The following CCSER1 variants were observed in gnomAD, a reference collection of about 807,000 sequenced individuals.
CCSER1 encodes coiled-coil serine rich protein 1, also known as serine-rich coiled-coil domain-containing protein 1.
Under a neutral mutation model 82.0 loss-of-function variants are expected in CCSER1, and 41 were observed. That is an observed-to-expected ratio of 0.50 (90% CI 0.39 to 0.65). CCSER1 has a LOEUF of 0.65. CCSER1 is among the 30% of genes least tolerant of loss of function. CCSER1 has a pLI of 0.00. For synonymous variants in CCSER1, 414 were observed against 383.9 expected, an observed-to-expected ratio of 1.08 and a Z score of -0.92; for missense variants, 1,119 against 1,064.2, an observed-to-expected ratio of 1.05 and a Z score of -0.72.
chr4:90,248,310 A>G (rs1425921310), intron 1 of CCSER1, among the ~76,000 whole-genome samples: 1 of 152,238 alleles, frequency 6.6e-6, no homozygotes, highest in Non-Finnish European at 1.5e-5. Context: ...TATAAAAGTA[A>G]TGATGAAAAG....
chr4:90,699,378 T>C (rs1472476066), intron 6 of CCSER1, among the ~76,000 whole-genome samples: 1 of 152,114 alleles, frequency 6.6e-6, no homozygotes, highest in African/African-American at 2.4e-5. Context: ...GGCATGAGAA[T>C]CTCTTGAACC....
chr4:90,471,035 T>C lies in CCSER1; in HGVS notation c.1724+2681T>C, dbSNP rs1764331281. ...AGGTGTCAAAATAATGAATGTTCCA[T>C]ATAGGTAATAATATTATTATCACCA... On this transcript the variant is annotated intron_variant, in intron 5 of 10. Transcript: ENST00000509176. Among the ~76,000 whole-genome samples, 13 of 152,248 alleles carry C rather than the reference T, an allele frequency of 8.5e-5. No homozygotes were observed. In the South Asian group the frequency reaches 2.7e-3, roughly 32 times the overall value.
chr4:90,568,618 C>T (rs1007463259), intron 5 of CCSER1, among the ~76,000 whole-genome samples: 3 of 152,106 alleles, frequency 2.0e-5, no homozygotes, highest in Non-Finnish European at 4.4e-5. Flanking sequence ...TTCAGCCACT[C>T]AGTCTTTTGA....
At chr4:90,455,386 C>T (rs1266408089) in intron 4 of CCSER1, among the ~76,000 whole-genome samples, 2 of 152,078 alleles carry the variant, frequency 1.3e-5, no homozygotes, top group Non-Finnish European at 2.9e-5. Context: ...TGGTTGTTTA[C>T]CCTTCTGGAA....
intron 10 of CCSER1, among the ~76,000 whole-genome samples, chr4:91,496,504 G>A (rs1251482258): frequency 1.4e-5 from 2 of 138,738 alleles, no homozygotes; most frequent in African/African-American, 5.3e-5. Context: ...GTATTTGCCT[G>A]GTGTAAATGC....
chr4:91,033,658 G>A (rs894322474), intron 9 of CCSER1, among the ~76,000 whole-genome samples: 4 of 152,104 alleles, frequency 2.6e-5, no homozygotes, highest in Non-Finnish European at 4.4e-5. Flanking sequence ...CCACAGGATA[G>A]CAACAGGCTA....
At chr4:90,777,592 A>T (rs1221500784) in intron 7 of CCSER1, among the ~76,000 whole-genome samples, 1 of 152,128 alleles carries the variant, frequency 6.6e-6, no homozygotes, top group African/African-American at 2.4e-5. Flanking sequence ...TAACTGTGTG[A>T]CTTTGAAAAA....
At chr4:91,186,436 T>G (rs1734541050) in intron 10 of CCSER1, among the ~76,000 whole-genome samples, 1 of 152,086 alleles carries the variant, frequency 6.6e-6, no homozygotes, top group South Asian at 2.1e-4. Flanking sequence ...TTGGGTGTCC[T>G]CCAGCTTAGT....
chr4:90,448,092 ATTCTTTTTATTC>A (rs943566722), intron 4 of CCSER1, among the ~76,000 whole-genome samples: 3 of 152,052 alleles, frequency 2.0e-5, no homozygotes, highest in African/African-American at 7.2e-5. Flanking sequence ...TACTTTGCAA[ATTCTTTTTATTC>A]TAATATATCA....
chr4:91,567,918 G>C (rs1441048157), intron 10 of CCSER1, among the ~76,000 whole-genome samples: 2 of 152,018 alleles, frequency 1.3e-5, no homozygotes, highest in Admixed American at 6.6e-5. Flanking sequence ...ATGTTAGCTG[G>C]TTATTATGTT....
intron 7 of CCSER1, among the ~76,000 whole-genome samples, chr4:90,803,730 A>T (rs1214699814): frequency 3.9e-5 from 6 of 152,118 alleles, no homozygotes; most frequent in African/African-American, 1.2e-4. Flanking sequence ...TATATCTGGT[A>T]ATGGGATTGC....
intron 1 of CCSER1, among the ~76,000 whole-genome samples, chr4:90,201,227 G>A (rs12645744): frequency 0.56 from 84,785 of 151,964 alleles, 24,343 homozygotes; most frequent in African/African-American, 0.69. Flanking sequence ...AAATAATTCA[G>A]TTTTTACTTG....
At chr4:90,442,777 G>T (rs1264650671) in intron 4 of CCSER1, among the ~76,000 whole-genome samples, 1 of 152,166 alleles carries the variant, frequency 6.6e-6, no homozygotes, top group Non-Finnish European at 1.5e-5. Flanking sequence ...CTTTCCAGAA[G>T]CAAACAGTGA....
chr4:90,196,803 A>G (rs1471965347), intron 1 of CCSER1, among the ~76,000 whole-genome samples: 1 of 152,120 alleles, frequency 6.6e-6, no homozygotes, highest in Non-Finnish European at 1.5e-5. Context: ...ATGAGCTAAT[A>G]TAACTATTAG....
intron 9 of CCSER1, among the ~76,000 whole-genome samples, chr4:91,068,355 CTG>C (rs1421137069): frequency 3.3e-5 from 5 of 152,162 alleles, no homozygotes; most frequent in Admixed American, 6.6e-5. Context: ...AAACATTGAT[CTG>C]TGAGATAAAA....
chr4:91,390,031 A>T (rs538447730), intron 10 of CCSER1, among the ~76,000 whole-genome samples: 2 of 152,026 alleles, frequency 1.3e-5, no homozygotes, highest in South Asian at 4.2e-4. Flanking sequence ...AGACAGTTTT[A>T]TTTCTTCCTT....
chr4:90,530,810 G>A (rs1314563992), intron 5 of CCSER1, among the ~76,000 whole-genome samples: 2 of 152,134 alleles, frequency 1.3e-5, no homozygotes, highest in Non-Finnish European at 1.5e-5. Context: ...GGCTTCTGCA[G>A]CTATTTCGGC....
chr4:90,334,039 T>C (rs1739901180), intron 3 of CCSER1, among the ~76,000 whole-genome samples: 2 of 152,214 alleles, frequency 1.3e-5, no homozygotes, highest in South Asian at 4.1e-4. Flanking sequence ...TACTTCAGTA[T>C]GCGATCACCT....
intron 1 of CCSER1, among the ~76,000 whole-genome samples, chr4:90,246,834 C>T (rs6821731): frequency 2.6e-5 from 4 of 151,946 alleles, no homozygotes; most frequent in Non-Finnish European, 4.4e-5. Context: ...TCTTATTGTA[C>T]TGTTGATCTT....
Sources: gnomAD v4.1 joint callset for allele counts (sites outside exome capture counted in the v4.1 genomes callset) on GRCh38, gnomAD v4.1.1 for gene constraint, MANE v1.5 for transcripts, NCBI Gene and HGNC (gene_info 2026-07-23, HGNC 2026-07-21) for gene names.